The following ARFGEF2 variants were observed in gnomAD, a reference collection of about 807,000 sequenced individuals.
ARFGEF2 encodes brefeldin A-inhibited guanine nucleotide-exchange protein 2.
ARFGEF2 carries 74 observed loss-of-function variants against 219.9 expected under a neutral mutation model. The ratio of observed to expected loss-of-function variants is 0.34; its 90% CI spans 0.28 to 0.41. The LOEUF is 0.41. Ranked by LOEUF, ARFGEF2 falls within the 10% of genes least tolerant of loss-of-function variation. ARFGEF2 has a pLI of 1.00. For missense variants in ARFGEF2, 1,743 were observed against 2,218.3 expected, an observed-to-expected ratio of 0.79 and a Z score of 4.30; for synonymous variants, 733 against 799.2, an observed-to-expected ratio of 0.92 and a Z score of 1.40.
intron 1 of ARFGEF2, among the ~76,000 whole-genome samples, chr20:48,933,594 C>T (rs534511601): frequency 3.3e-5 from 5 of 152,214 alleles, no homozygotes; most frequent in African/African-American, 7.2e-5. Flanking sequence ...CTTGATCCCA[C>T]GGAGATCCCA....
At chr20:48,981,448 A>G (rs1168962693) in intron 14 of ARFGEF2, among the ~76,000 whole-genome samples, 1 of 152,058 alleles carries the variant, frequency 6.6e-6, no homozygotes, top group Non-Finnish European at 1.5e-5. Context: ...TGAATCTGAC[A>G]ATTATATGTC....
chr20:48,928,514 T>G (rs2090892998), intron 1 of ARFGEF2, among the ~76,000 whole-genome samples: 1 of 127,620 alleles, frequency 7.8e-6, no homozygotes, highest in Non-Finnish European at 1.6e-5. Flanking sequence ...TTTTTTTTTT[T>G]GAGCCAGTCT....
intron 11 of ARFGEF2, 151 bp downstream of exon 11, chr20:48,972,576 T>G (rs900892389): frequency 1.7e-5 from 12 of 723,850 alleles, no homozygotes; most frequent in Middle Eastern, 2.4e-4. Flanking sequence ...CCTCTCCTTT[T>G]TTAGAGGATG....
intron 11 of ARFGEF2, among the ~76,000 whole-genome samples, 176 bp from the exon 12 acceptor site, chr20:48,972,967 TAA>T (rs905078262): frequency 1.3e-5 from 2 of 152,192 alleles, no homozygotes; most frequent in African/African-American, 4.8e-5. Flanking sequence ...GAAGCAGGCC[TAA>T]AAACAACCTC....
intron 1 of ARFGEF2, among the ~76,000 whole-genome samples, chr20:48,929,544 C>G (rs2090900153): frequency 7.0e-6 from 1 of 143,118 alleles, no homozygotes; most frequent in African/African-American, 2.4e-5. Context: ...AGGATATGCC[C>G]TCTAGGTCAT....
rs201225495 is a variant in ARFGEF2 at position 49,032,102 on chromosome 20, G to A, written c.5117G>A (p.Arg1706Gln). ...ATCACTGTGAATTCTGAGAGCCATC[G>A]GGAGGCCTGGACAAGTCTCTTGTTG... is the stretch of plus-strand genomic sequence containing the variant. ...YFITVNSESH[R>Q]EAWTSLLLLL... The change falls in exon 38 of 39, where the codon CGG becomes CAG. Residue 1706 changes from arginine (R) to glutamine (Q), a missense_variant. Arg to Gln is a conservative substitution (Grantham distance 43, BLOSUM62 1). Around this residue, in one of 5 missense-constraint regions of ARFGEF2, gnomAD observed 578 missense variants for 664.0 expected, o/e 0.87. Coordinates refer to ENST00000371917, the MANE Select transcript of ARFGEF2 (RefSeq NM_006420.3). 87 of 1,613,976 alleles carry A rather than the reference G, an allele frequency of 5.4e-5. No individual in the cohort carries two copies. Among genetic ancestry groups the A allele is most frequent in the Admixed American group, 1.7e-4 (10 of 60,006 alleles).
At position 48,987,740 on chromosome 20, in the gene ARFGEF2, A is replaced by T. The variant is rs185770625; in HGVS notation, c.2277-564A>T. On this transcript the variant is annotated intron_variant, in intron 16 of 38. Coordinates refer to ENST00000371917, the MANE Select transcript of ARFGEF2 (RefSeq NM_006420.3). The stretch of plus-strand genomic sequence containing the variant: ...CCCAGATGCTTCTTAGAGTCTTTTT[A>T]AAAAAAATTATTTGAAATTGCTTTA... Among the ~76,000 whole-genome samples, 157 of 152,178 alleles carry T rather than the reference A, an allele frequency of 1.0e-3. 1 individual carries two copies. Among genetic ancestry groups the T allele is most frequent in the African/African-American group, 2.7e-3 (114 of 41,544 alleles).
At chr20:48,978,779 C>T (rs1368850086) in intron 14 of ARFGEF2, among the ~76,000 whole-genome samples, 1 of 152,020 alleles carries the variant, frequency 6.6e-6, no homozygotes, top group African/African-American at 2.4e-5. Context: ...CAGTTTGTCT[C>T]TTATTGGCAT....
At position 49,016,186 on chromosome 20, in the gene ARFGEF2, T is replaced by G. The variant is rs910593565; in HGVS notation, c.4180-94T>G. 1.3e-5 allele frequency: 17 copies of G among 1,353,918 alleles called. No homozygotes were observed. In the Admixed American group the frequency reaches 2.3e-4, roughly 18 times the overall value. The allele number at this position is 1,353,918 out of a possible 1,614,324, so 83.9% of individuals were successfully genotyped here. On this transcript the variant is annotated intron_variant, in intron 30 of 38. Transcript: ENST00000371917. The stretch of plus-strand genomic sequence containing the variant: ...CGTATTCTTGATACATATCACCAAA[T>G]TGCTTTCTACAACAGTTTTGCCAGG...
At chr20:49,022,385 A>G (rs912965250) in intron 34 of ARFGEF2, among the ~76,000 whole-genome samples, 4 of 151,410 alleles carry the variant, frequency 2.6e-5, no homozygotes, top group Non-Finnish European at 5.9e-5. Context: ...CCTGGGCAAC[A>G]TGAGGAAATC....
chr20:48,931,897 T>C (rs1044770000), intron 1 of ARFGEF2, among the ~76,000 whole-genome samples: 2 of 151,484 alleles, frequency 1.3e-5, no homozygotes, highest in African/African-American at 4.9e-5. Flanking sequence ...AGCAAAGGAG[T>C]GTTGTGATCT....
At chr20:49,002,395 A>C (rs927138749) in intron 25 of ARFGEF2, among the ~76,000 whole-genome samples, 1 of 152,198 alleles carries the variant, frequency 6.6e-6, no homozygotes, top group African/African-American at 2.4e-5. Context: ...CCCATTAAAC[A>C]GTAACTCCCA....
chr20:49,015,347 C>T (rs1273800318), intron 30 of ARFGEF2, among the ~76,000 whole-genome samples: 32 of 152,158 alleles, frequency 2.1e-4, no homozygotes. Flanking sequence ...CTCCTGACCT[C>T]AAGTGATCCA....
intron 1 of ARFGEF2, among the ~76,000 whole-genome samples, chr20:48,933,175 G>A (rs1402446208): frequency 1.3e-5 from 2 of 152,208 alleles, no homozygotes; most frequent in African/African-American, 4.8e-5. Flanking sequence ...CTCATTTCCA[G>A]CCTGGAAATT....
At chr20:49,014,018 G>A (rs1301939336) in intron 30 of ARFGEF2, 58 bp downstream of exon 30, 10 of 1,607,906 alleles carry the variant, frequency 6.2e-6, no homozygotes, top group South Asian at 2.2e-5. Context: ...CTTTCTGGCC[G>A]GTATTTGCCT....
chr20:48,941,534 CATG>C (rs2090993133), intron 2 of ARFGEF2, among the ~76,000 whole-genome samples: 1 of 152,170 alleles, frequency 6.6e-6, no homozygotes, highest in Non-Finnish European at 1.5e-5. Context: ...CTTCCTTAGG[CATG>C]AGGACAGCTT....
chr20:49,012,394 A>G (rs772357954), intron 28 of ARFGEF2, among the ~76,000 whole-genome samples: 1 of 152,248 alleles, frequency 6.6e-6, no homozygotes, highest in Non-Finnish European at 1.5e-5. Context: ...TATTTGAAAG[A>G]AAACAAACCT....
intron 16 of ARFGEF2, among the ~76,000 whole-genome samples, chr20:48,987,770 A>G (rs933367090): frequency 6.6e-6 from 1 of 152,120 alleles, no homozygotes; most frequent in Non-Finnish European, 1.5e-5. Context: ...GCTTTATTCA[A>G]AGAAGCCTCA....
intron 23 of ARFGEF2, among the ~76,000 whole-genome samples, chr20:48,996,976 T>G (rs981424891): frequency 2.0e-5 from 3 of 152,096 alleles, no homozygotes; most frequent in Non-Finnish European, 4.4e-5. Context: ...GATCTACAGA[T>G]TTGCCTGTTC....
Sources: gnomAD v4.1 joint callset for allele counts (sites outside exome capture counted in the v4.1 genomes callset) on GRCh38, gnomAD v4.1.1 for gene constraint, gnomAD v4.1.1 regional missense constraint, MANE v1.5 for transcripts, NCBI Gene and HGNC (gene_info 2026-07-23, HGNC 2026-07-21) for gene names.